BTD: variants seen among roughly 807,000 people sequenced by gnomAD.
The protein encoded by BTD is biocytinase.
BTD carries 13 observed loss-of-function variants against 17.7 expected under a neutral mutation model. The ratio of observed to expected loss-of-function variants is 0.74; its 90% CI spans 0.48 to 1.17. The LOEUF (loss-of-function observed/expected upper bound fraction) is 1.17, where lower values mean the gene tolerates loss of function less well. Ranked by LOEUF, BTD falls within the 50% of genes most tolerant of loss-of-function variation. The pLI, the probability that BTD is intolerant of heterozygous loss-of-function variation, is 0.00. For synonymous variants in BTD, 240 were observed against 245.2 expected (o/e 0.98, Z 0.20); for missense variants, 674 against 650.4 (o/e 1.04, Z -0.39).
intron 3 of BTD, chr3:15,686,100 C>T: frequency 6.2e-7 from 1 of 1,613,190 alleles, no homozygotes; most frequent in East Asian, 2.2e-5. Flanking sequence ...CCGTTGAGAA[C>T]AGATAGCATC....
chr3:15,687,940 A>G (rs1575152571), intron 3 of BTD, among the ~76,000 whole-genome samples: 1 of 152,218 alleles, frequency 6.6e-6, no homozygotes, highest in East Asian at 1.9e-4. Context: ...ACCTCCAGGA[A>G]AAAAAACCCT....
In BTD at chr3:15,644,497, A is replaced by G. The variant is rs397514377; in HGVS notation, c.581A>G (p.Asn194Ser). 162 of 1,613,720 alleles carry G rather than the reference A, an allele frequency of 1.0e-4. No individual in the cohort carries two copies. The highest frequency in any genetic ancestry group is 1.3e-4 in the Non-Finnish European group (152 of 1,179,924). The change falls in exon 4 of 4, where the codon AAC (asparagine) becomes AGC (serine). Residue 194 changes from asparagine (N) to serine (S), a missense_variant. Transcript: ENST00000643237. ...GTLVDRYRKH[N>S]LYFEAAFDVP... ...CTTGTTGACCGCTACCGTAAACACA[A>G]CCTCTACTTTGAGGCAGCATTCGAT...
chr3:15,601,457 C>T, upstream of BTD: 1 of 1,613,204 alleles, frequency 6.2e-7, no homozygotes, highest in Non-Finnish European at 8.5e-7. Context: ...AAGTTACTGT[C>T]CGGCATCTTC....
At chr3:15,628,067 A>G (rs1434883294) in intron 1 of BTD, among the ~76,000 whole-genome samples, 1 of 152,186 alleles carries the variant, frequency 6.6e-6, no homozygotes, top group Admixed American at 6.5e-5. Flanking sequence ...CCTTGGCCCT[A>G]TTACCCACCA....
intron 3 of BTD, among the ~76,000 whole-genome samples, chr3:15,699,768 T>A (rs1390013860): frequency 1.3e-5 from 2 of 152,180 alleles, no homozygotes; most frequent in African/African-American, 4.8e-5. Context: ...GAAATAGGCA[T>A]GCTTTTACAC....
chr3:15,631,173 T>C (rs1177542157), intron 1 of BTD, among the ~76,000 whole-genome samples: 1 of 152,210 alleles, frequency 6.6e-6, no homozygotes, highest in Non-Finnish European at 1.5e-5. Flanking sequence ...CACATAGAAA[T>C]GTATACTATG....
intron 1 of BTD, chr3:15,602,111 G>A: frequency 1.4e-6 from 2 of 1,433,298 alleles, no homozygotes; most frequent in Non-Finnish European, 1.8e-6. Context: ...TGTGGTTTAC[G>A]CTCTCATAAC....
chr3:15,604,243 A>G (rs1204377341), intron 1 of BTD, among the ~76,000 whole-genome samples: 1 of 152,262 alleles, frequency 6.6e-6, no homozygotes, highest in Non-Finnish European at 1.5e-5. Flanking sequence ...AAATCTAGGC[A>G]GAGGTTCCCA....
intron 1 of BTD, among the ~76,000 whole-genome samples, chr3:15,625,938 C>A (rs2065056952): frequency 6.6e-6 from 1 of 152,182 alleles, no homozygotes; most frequent in African/African-American, 2.4e-5. Flanking sequence ...AAAATCTGTT[C>A]TTGTTCATTG....
intron 1 of BTD, among the ~76,000 whole-genome samples, chr3:15,609,119 G>A (rs377284618): frequency 5.9e-4 from 90 of 152,180 alleles, no homozygotes; most frequent in African/African-American, 2.0e-3. Flanking sequence ...ACATCATAAC[G>A]TTTGAGTTCT....
chr3:15,621,512 C>A (rs2064950280), intron 1 of BTD, among the ~76,000 whole-genome samples: 2 of 152,106 alleles, frequency 1.3e-5, no homozygotes, highest in South Asian at 4.1e-4. Context: ...GATTCAATTT[C>A]TCTAATACAT....
In BTD at chr3:15,684,156, G is replaced by T. The variant is rs572011531; in HGVS notation, c.400-25904G>T. The T allele has an allele frequency of 3.3e-5, 5 of 152,158 alleles. No individual in the cohort carries two copies. The East Asian group carries it at 7.7e-4, about 23-fold the overall frequency. 9.4% of individuals were successfully genotyped at this position (152,158 alleles called of 1,614,324 possible). A position where few individuals can be genotyped will look rare whatever the true frequency, so the allele number is the denominator to read the frequency against. On this transcript the variant is annotated intron_variant, in intron 3 of 3. Coordinates refer to the BTD transcript ENST00000672141. ...CACTGATGCTTGCACTGTATATAAT[G>T]TACTTGAGTTTTCTAAGATGATCAA... is the stretch of plus-strand genomic sequence containing the variant.
rs778785164 is a variant in BTD, at chr3:15,635,575, C to A, written c.136C>A (p.Pro46Thr). The A allele has an allele frequency of 5.0e-6, 8 of 1,614,200 alleles. No homozygotes were observed. Among genetic ancestry groups the A allele is most frequent in the Non-Finnish European group, 6.8e-6 (8 of 1,180,034 alleles). ...EYYVAAVYEH[P>T]SILSLNPLAL... The stretch of plus-strand genomic sequence containing the variant: ...TTATGTGGCTGCCGTGTATGAGCAT[C>A]CATCCATCCTGAGTCTGAACCCTCT... The change falls in exon 2 of 4, where the codon CCA becomes ACA. Residue 46 changes from proline to threonine, a missense_variant. Pro to Thr is a conservative substitution (Grantham distance 38, BLOSUM62 -1). Transcript: ENST00000643237. This position sits in a 1 kb window ranked among gnomAD's most constrained non-coding sequence, Gnocchi z 4.1.
chr3:15,711,387 G>A (rs2072255680), exon 4 of BTD: 4 of 814,628 alleles, frequency 4.9e-6, no homozygotes, highest in Middle Eastern at 3.4e-4. Context: ...CAAAACTATG[G>A]GTTCTTAAGT....
downstream of BTD, among the ~76,000 whole-genome samples, chr3:15,658,162 C>G (rs1364388375): frequency 2.2e-5 from 3 of 136,610 alleles, no homozygotes; most frequent in African/African-American, 8.9e-5. Flanking sequence ...GAGTGAGACT[C>G]CATCTAAAAA....
At chr3:15,712,333 G>A (rs1354246385) in exon 4 of BTD, 3 of 821,344 alleles carry the variant, frequency 3.7e-6, no homozygotes, top group Non-Finnish European at 5.9e-6. Context: ...GAGCCAAAAT[G>A]TCTAACACTT....
chr3:15,629,390 C>G (rs1465443335), intron 1 of BTD, among the ~76,000 whole-genome samples: 2 of 152,182 alleles, frequency 1.3e-5, no homozygotes, highest in Admixed American at 6.5e-5. Context: ...TGTGTTCAAG[C>G]CTTCAGGTGA....
chr3:15,686,957 T>C (rs2068198731), intron 3 of BTD, among the ~76,000 whole-genome samples: 2 of 151,922 alleles, frequency 1.3e-5, no homozygotes, highest in South Asian at 4.2e-4. Context: ...TTTTTTTTTT[T>C]TTTTGAGACA....
chr3:15,693,953 C>T (rs936968346), intron 3 of BTD, among the ~76,000 whole-genome samples: 2 of 151,948 alleles, frequency 1.3e-5, no homozygotes, highest in Non-Finnish European at 2.9e-5. Flanking sequence ...TGTAGTGTTC[C>T]ACATTAAATT....
Sources: allele counts gnomAD v4.1 joint callset (sites outside exome capture counted in the v4.1 genomes callset), GRCh38; gene constraint gnomAD v4.1.1; non-coding constraint Gnocchi (gnomAD v3.1); transcripts MANE v1.5; gene names NCBI Gene and HGNC (gene_info 2026-07-23, HGNC 2026-07-21).